CEP63: variants seen among roughly 807,000 people sequenced by gnomAD.
CEP63 encodes centrosomal protein of 63 kDa.
CEP63 carries 84 observed loss-of-function variants against 89.1 expected under a neutral mutation model. The observed-to-expected ratio is 0.94, with a 90% CI of 0.79 to 1.13. The LOEUF (loss-of-function observed/expected upper bound fraction) is 1.13, where lower values mean the gene tolerates loss of function less well. Among genes scored for constraint, CEP63 ranks in the 50% most tolerant of loss-of-function variants. The pLI, the probability that CEP63 is intolerant of heterozygous loss-of-function variation, is 0.00. For synonymous variants in CEP63, 267 were observed against 272.5 expected (o/e 0.98, Z 0.20); for missense variants, 838 against 813.3 (o/e 1.03, Z -0.37).
At chr3:134,658,390 C>A in the CEP63 span, among the ~76,000 whole-genome samples, 1 of 152,168 alleles carries the variant, frequency 6.6e-6, no homozygotes, top group Admixed American at 6.5e-5. Flanking sequence ...CTCTTCCAAC[C>A]TACCTCAGAT....
In CEP63 at chr3:134,501,277, C is replaced by G. The variant is rs76583995; in HGVS notation, c.45-5832C>G. 7.5e-3 allele frequency among the ~76,000 whole-genome samples: 1,136 copies of G among 152,248 alleles called. 23 individuals are homozygous for G. Among genetic ancestry groups the G allele is most frequent in the South Asian group, 0.074 (356 of 4,828 alleles). On this transcript the variant is annotated intron_variant, in intron 2 of 14. Coordinates refer to ENST00000675561, the MANE Select transcript of CEP63 (RefSeq NM_001353108.3). ...AAGCAAGGCAATATGATGCCTCTAG[C>G]TTTGTTCTTCTTGCATAGGGTTGCT...
chr3:134,551,939 A>G lies in CEP63; in HGVS notation c.1394A>G (p.Gln465Arg). 1 of 1,608,108 alleles carries G rather than the reference A, an allele frequency of 6.2e-7. No homozygotes were observed. The stretch of plus-strand genomic sequence containing the variant: ...TCCCCTTTTCAGGAGATTTTGGATC[A>G]GCTGGAGTCACTCAAATTAGAAAAT... Reference protein sequence around the residue: ...KAVEHKEILDQLESLKLENRH... With the variant: ...KAVEHKEILDRLESLKLENRH... Residue 465 changes from glutamine to arginine, a missense_variant, in exon 12 of 15, where the codon CAG (glutamine) becomes CGG (arginine). By Grantham distance (43) the Gln-to-Arg change is conservative. Coordinates refer to ENST00000675561, the MANE Select transcript of CEP63 (RefSeq NM_001353108.3).
At chr3:134,674,676 C>T in the CEP63 span, among the ~76,000 whole-genome samples, 1 of 151,824 alleles carries the variant, frequency 6.6e-6, no homozygotes, top group Admixed American at 6.5e-5. Context: ...AATAAAAATC[C>T]CAAGGAATCC....
At chr3:134,651,098 G>A in the CEP63 span, 4 of 1,519,338 alleles carry the variant, frequency 2.6e-6, no homozygotes, top group Admixed American at 8.3e-5. Flanking sequence ...CGCTGGAGCC[G>A]CAGGGCGCTG....
At chr3:134,738,786 A>G in the CEP63 span, among the ~76,000 whole-genome samples, 9 of 152,318 alleles carry the variant, frequency 5.9e-5, 1 homozygote, top group East Asian at 1.7e-3. Context: ...TAATGAACCC[A>G]TACAACTTAG....
the CEP63 span, chr3:134,608,783 G>A: frequency 6.2e-7 from 1 of 1,613,998 alleles, no homozygotes; most frequent in Non-Finnish European, 8.5e-7. Flanking sequence ...CTTGTTGTCT[G>A]GGAAGTGGTC....
the CEP63 span, among the ~76,000 whole-genome samples, chr3:134,760,406 A>G: frequency 6.6e-6 from 1 of 152,166 alleles, no homozygotes; most frequent in Non-Finnish European, 1.5e-5. Flanking sequence ...TGCAGCAGGA[A>G]GGGACCTTTA....
At chr3:134,725,054 T>C in the CEP63 span, among the ~76,000 whole-genome samples, 1 of 148,138 alleles carries the variant, frequency 6.8e-6, no homozygotes, top group Non-Finnish European at 1.5e-5. Flanking sequence ...CATTTTCATA[T>C]GGAAACATTA....
chr3:134,567,467 C>CAAAA (rs61700362), downstream of CEP63, among the ~76,000 whole-genome samples: 1 of 134,052 alleles, frequency 7.5e-6, no homozygotes, highest in Non-Finnish European at 1.6e-5. Flanking sequence ...TCACTGTTAC[C>CAAAA]AAAAAAAAAA....
chr3:134,550,420 G>C (rs1954551945), intron 11 of CEP63, among the ~76,000 whole-genome samples, 160 bp downstream of exon 11: 1 of 152,176 alleles, frequency 6.6e-6, no homozygotes, highest in Non-Finnish European at 1.5e-5. Flanking sequence ...TGAGCATGGT[G>C]GGGAGGTGAG....
At chr3:134,717,661 T>A in the CEP63 span, among the ~76,000 whole-genome samples, 5 of 152,204 alleles carry the variant, frequency 3.3e-5, no homozygotes, top group Non-Finnish European at 2.9e-5. Flanking sequence ...ATATGTCTGT[T>A]TCCACTTAGG....
At chr3:134,739,602 T>A in the CEP63 span, among the ~76,000 whole-genome samples, 1 of 152,212 alleles carries the variant, frequency 6.6e-6, no homozygotes, top group Admixed American at 6.5e-5. Context: ...CAGGGATGAC[T>A]CTCGTAAACA....
At chr3:134,491,720 C>T (rs1428841629) in intron 1 of CEP63, among the ~76,000 whole-genome samples, 1 of 152,148 alleles carries the variant, frequency 6.6e-6, no homozygotes, top group African/African-American at 2.4e-5. Context: ...ATCGGAACAG[C>T]CATAGTTTAC....
intron 3 of CEP63, among the ~76,000 whole-genome samples, chr3:134,511,948 G>A (rs1393581842): frequency 6.6e-6 from 1 of 152,186 alleles, no homozygotes; most frequent in Non-Finnish European, 1.5e-5. Flanking sequence ...CTTAGTCCTA[G>A]GGTGTAAACC....
chr3:134,639,297 C>T, the CEP63 span, among the ~76,000 whole-genome samples: 5 of 152,216 alleles, frequency 3.3e-5, no homozygotes, highest in Admixed American at 2.6e-4. Context: ...TGATGGAACA[C>T]CACCCTTAGG....
the CEP63 span, among the ~76,000 whole-genome samples, chr3:134,772,736 C>T: frequency 6.6e-6 from 1 of 152,156 alleles, no homozygotes; most frequent in African/African-American, 2.4e-5. Flanking sequence ...TCCAAGATGG[C>T]CTTCAGGCTT....
chr3:134,604,453 G>A, the CEP63 span: 1 of 1,608,836 alleles, frequency 6.2e-7, no homozygotes, highest in Non-Finnish European at 8.5e-7. Flanking sequence ...GCTCTCAATG[G>A]TGACCGTGGC....
chr3:134,608,210 A>T, the CEP63 span: 1 of 1,184,334 alleles, frequency 8.4e-7, no homozygotes, highest in African/African-American at 1.6e-5. Flanking sequence ...GCAGGCCAGT[A>T]GCTTCTGTTG....
the CEP63 span, among the ~76,000 whole-genome samples, chr3:134,667,443 A>G: frequency 6.6e-6 from 1 of 152,208 alleles, no homozygotes; most frequent in Non-Finnish European, 1.5e-5. Context: ...TTCAGAACAA[A>G]GCTTCTTTCT....
Sources: allele counts gnomAD v4.1 joint callset (sites outside exome capture counted in the v4.1 genomes callset), GRCh38; gene constraint gnomAD v4.1.1; transcripts MANE v1.5; gene names NCBI Gene and HGNC (gene_info 2026-07-23, HGNC 2026-07-21).